The following GRM7 variants were observed in gnomAD, a reference collection of about 807,000 sequenced individuals.
GRM7 encodes the protein glutamate metabotropic receptor 7.
GRM7 carries 35 observed loss-of-function variants against 84.5 expected under a neutral mutation model. The observed-to-expected ratio is 0.41, with a 90% CI of 0.32 to 0.55. The LOEUF is 0.55. Among genes scored for constraint, GRM7 ranks in the 20% least tolerant of loss-of-function variants. The probability of loss-of-function intolerance (pLI) is 0.19; values close to 1 mark genes in which losing one functional copy is unlikely to be tolerated. For synonymous variants in GRM7, 487 were observed against 455.1 expected, an observed-to-expected ratio of 1.07 and a Z score of -0.89; for missense variants, 1,003 against 1,194.6, an observed-to-expected ratio of 0.84 and a Z score of 2.36.
At chr3:7,039,145 A>G (rs933756350) in intron 1 of GRM7, among the ~76,000 whole-genome samples, 1 of 152,234 alleles carries the variant, frequency 6.6e-6, no homozygotes, top group African/African-American at 2.4e-5. Context: ...TTTGAGACTC[A>G]GAAAATGATC....
intron 1 of GRM7, among the ~76,000 whole-genome samples, chr3:7,042,509 G>T (rs977788502): frequency 1.3e-5 from 2 of 148,514 alleles, no homozygotes; most frequent in Non-Finnish European, 3.0e-5. Flanking sequence ...CTGTTTGCTT[G>T]TTTTCCCCCC....
At chr3:7,577,956 A>G (rs1282324833) in intron 7 of GRM7, among the ~76,000 whole-genome samples, 1 of 152,204 alleles carries the variant, frequency 6.6e-6, no homozygotes, top group Non-Finnish European at 1.5e-5. Context: ...AAAGGAGATA[A>G]GTGTAGCTTT....
chr3:7,054,719 A>ATC (rs1017259953), intron 1 of GRM7, among the ~76,000 whole-genome samples: 6 of 151,202 alleles, frequency 4.0e-5, no homozygotes, highest in Admixed American at 6.6e-5. Context: ...GTTTTCTCTC[A>ATC]TCTCTCTCTC....
chr3:7,468,615 G>A (rs542061622), intron 7 of GRM7, among the ~76,000 whole-genome samples: 1 of 152,254 alleles, frequency 6.6e-6, no homozygotes, highest in Admixed American at 6.5e-5. Context: ...GTTTGCCTGT[G>A]CCCCCACCCA....
At chr3:7,382,387 C>T (rs1365358130) in intron 4 of GRM7, among the ~76,000 whole-genome samples, 1 of 152,106 alleles carries the variant, frequency 6.6e-6, no homozygotes, top group African/African-American at 2.4e-5. Flanking sequence ...GATAGAGAAG[C>T]TCTTCATCAT....
At chr3:7,403,246 A>C (rs1695527063) in intron 4 of GRM7, 4 of 380,038 alleles carry the variant, frequency 1.1e-5, no homozygotes, top group South Asian at 8.3e-5. Flanking sequence ...CTGTAAGATT[A>C]TGATTCTTGG....
At position 7,359,121 on chromosome 3, in the gene GRM7, A is replaced by G. The variant is rs904595987; in HGVS notation, c.1033+52469A>G. 4.8e-4 allele frequency among the ~76,000 whole-genome samples: 61 copies of G among 126,552 alleles called. 4 individuals carry two copies. The highest frequency in any genetic ancestry group is 8.6e-4 in the Non-Finnish European group (53 of 61,706). 83.0% of individuals were successfully genotyped at this position (126,552 alleles called of 152,430 possible). On this transcript the variant is annotated intron_variant, in intron 4 of 9. Transcript: ENST00000357716. ...AGTGAGATTCCATCTCAAAAAAAAA[A>G]AAAAAAGAAAAAAAGAAAGGAATTG...
At chr3:7,064,671 C>G (rs1352789379) in intron 1 of GRM7, among the ~76,000 whole-genome samples, 2 of 150,972 alleles carry the variant, frequency 1.3e-5, no homozygotes, top group Non-Finnish European at 3.0e-5. Context: ...GTGCAAGTAT[C>G]TTTTTCGAAT....
At chr3:7,679,437 G>C (rs1700269045) in intron 8 of GRM7, among the ~76,000 whole-genome samples, 1 of 150,934 alleles carries the variant, frequency 6.6e-6, no homozygotes, top group Non-Finnish European at 1.5e-5. Context: ...TGACAATATA[G>C]AGTAGACAAG....
chr3:7,640,175 C>T (rs1698302256), intron 8 of GRM7, among the ~76,000 whole-genome samples: 1 of 152,224 alleles, frequency 6.6e-6, no homozygotes, highest in South Asian at 2.1e-4. Context: ...TGATGACCAA[C>T]GCATGTTGGG....
intron 8 of GRM7, among the ~76,000 whole-genome samples, chr3:7,659,909 T>G (rs1699362988): frequency 6.6e-6 from 1 of 152,184 alleles, no homozygotes; most frequent in Non-Finnish European, 1.5e-5. Flanking sequence ...TAGGCAAACA[T>G]TTCCTAGTGG....
intron 1 of GRM7, among the ~76,000 whole-genome samples, chr3:6,890,000 A>T (rs1695868425): frequency 6.6e-6 from 1 of 151,830 alleles, no homozygotes; most frequent in Admixed American, 6.6e-5. Flanking sequence ...TTTCTTCTAG[A>T]TTTTCTAGTT....
In GRM7 at chr3:7,645,398, T is replaced by G. The variant is rs144489739; in HGVS notation, c.2452-34651T>G. ...CCCGTCACTACTAAAAATACAAAAA[T>G]TAGCTGGGTGTGGTGGTGCGCGCCT... On this transcript the variant is annotated intron_variant, in intron 8 of 9. Transcript: ENST00000357716. Among the ~76,000 whole-genome samples, 4 of 151,536 alleles carry G rather than the reference T, an allele frequency of 2.6e-5. No homozygotes were observed. In the East Asian group the frequency reaches 7.8e-4, roughly 30 times the overall value.
chr3:7,180,093 G>T (rs1233949145), intron 2 of GRM7, among the ~76,000 whole-genome samples: 1 of 152,078 alleles, frequency 6.6e-6, no homozygotes, highest in Non-Finnish European at 1.5e-5. Flanking sequence ...ACAGAACATT[G>T]TTTGAAAAGT....
chr3:7,318,474 A>G (rs925726815), intron 4 of GRM7, among the ~76,000 whole-genome samples: 1 of 152,112 alleles, frequency 6.6e-6, no homozygotes. Flanking sequence ...CTTAATATGA[A>G]AGCAAATCAG....
chr3:6,919,744 A>G (rs745954282), intron 1 of GRM7, among the ~76,000 whole-genome samples: 1 of 152,124 alleles, frequency 6.6e-6, no homozygotes, highest in African/African-American at 2.4e-5. Context: ...ATGGATAAAG[A>G]TAACTATCGA....
intron 1 of GRM7, among the ~76,000 whole-genome samples, chr3:7,016,169 G>A (rs1695559695): frequency 6.6e-6 from 1 of 152,178 alleles, no homozygotes; most frequent in Admixed American, 6.5e-5. Flanking sequence ...CTGAATGCAT[G>A]GCCTTAGGTA....
At position 6,928,801 on chromosome 3, in the gene GRM7, A is replaced by G. The variant is rs550546249; in HGVS notation, c.519+66894A>G. 4.9e-4 allele frequency among the ~76,000 whole-genome samples: 74 copies of G among 152,282 alleles called. No homozygotes were observed. The highest frequency in any genetic ancestry group is 1.8e-3 in the African/African-American group (74 of 41,560). On this transcript the variant is annotated intron_variant, in intron 1 of 9. Transcript: ENST00000357716. The surrounding 1 kb of genome is among the most constrained non-coding windows in gnomAD (Gnocchi z 4.5). ...TTACTGTTAGAAAATGTTCTTTTAA[A>G]TTGAGCACGCTGTGGGTTTGTGAAC...
intron 2 of GRM7, among the ~76,000 whole-genome samples, chr3:7,268,306 A>AC (rs75766409): frequency 6.6e-6 from 1 of 151,278 alleles, no homozygotes; most frequent in Non-Finnish European, 1.5e-5. Flanking sequence ...AAAAAAAAAA[A>AC]ATAGACGAGT....
Sources: gnomAD v4.1 joint callset for allele counts (sites outside exome capture counted in the v4.1 genomes callset) on GRCh38, gnomAD v4.1.1 for gene constraint, Gnocchi (gnomAD v3.1) non-coding constraint, MANE v1.5 for transcripts, NCBI Gene and HGNC (gene_info 2026-07-23, HGNC 2026-07-21) for gene names.